The following BAK1 variants were observed in gnomAD, a reference collection of about 807,000 sequenced individuals.
BAK1 encodes bcl-2 homologous antagonist/killer.
BAK1 carries 19 observed loss-of-function variants against 24.7 expected under a neutral mutation model. The observed-to-expected ratio is 0.77, with a 90% CI of 0.54 to 1.13. The LOEUF is 1.13. Ranked by LOEUF, BAK1 falls within the 50% of genes most tolerant of loss-of-function variation. BAK1 has a pLI of 0.00. For synonymous variants in BAK1, 86 were observed against 107.3 expected, an observed-to-expected ratio of 0.80 and a Z score of 1.23; for missense variants, 194 against 279.4, an observed-to-expected ratio of 0.69 and a Z score of 2.18.
At position 33,578,650 on chromosome 6, in the gene BAK1, TC is replaced by T. The variant is rs997840551; in HGVS notation, c.-31-1016del. On this transcript the variant is annotated intron_variant, in intron 1 of 5. Coordinates refer to ENST00000374467, the MANE Select transcript of BAK1 (RefSeq NM_001188.4). This position sits in a 1 kb window ranked among gnomAD's most constrained non-coding sequence, Gnocchi z 4.8. ...CTCCCACCACACACCTGGTCTTCTG[TC>T]CCCGGCCCCAATTTTCCTCTTTGCC... Among the ~76,000 whole-genome samples, 52 of 152,210 alleles carry T rather than the reference TC, an allele frequency of 3.4e-4. No homozygotes were observed. Among genetic ancestry groups the T allele is most frequent in the African/African-American group, 1.2e-3 (50 of 41,546 alleles).
chr6:33,575,606 G>T lies in BAK1; in HGVS notation c.207-165C>A. The T allele has an allele frequency of 8.0e-7, 1 of 1,243,344 alleles. No individual in the cohort carries two copies. The highest frequency in any genetic ancestry group is 1.1e-6 in the Non-Finnish European group (1 of 896,272). The allele number at this position is 1,243,344 out of a possible 1,614,324, so 77.0% of individuals were successfully genotyped here. A position where few individuals can be genotyped will look rare whatever the true frequency, so the allele number is the denominator to read the frequency against. On this transcript the variant is annotated intron_variant, in intron 3 of 5. Coordinates refer to ENST00000374467, the MANE Select transcript of BAK1 (RefSeq NM_001188.4). This position sits in a 1 kb window ranked among gnomAD's most constrained non-coding sequence, Gnocchi z 6.3. ...CATGAGTGCTGGGCTCCAGGAGAAG[G>T]GGCAGGCATGGGCTAAAAAGGATAC...
chr6:33,577,307 C>T lies in BAK1; in HGVS notation c.70+228G>A, dbSNP rs928372624. 6.6e-6 allele frequency among the ~76,000 whole-genome samples: 1 copy of T among 152,196 alleles called. No individual in the cohort carries two copies. Among genetic ancestry groups the T allele is most frequent in the Non-Finnish European group, 1.5e-5 (1 of 68,032 alleles). On this transcript the variant is annotated intron_variant, in intron 2 of 5. Transcript: ENST00000374467. The surrounding 1 kb of genome is among the most constrained non-coding windows in gnomAD (Gnocchi z 4.6). The stretch of plus-strand genomic sequence containing the variant: ...GGTGGCACTGTGCCTACCTTACACT[C>T]ACTTCCTGGCCTCTCCCAACCTCCA...
At chr6:33,574,618 A>C in intron 4 of BAK1, 2 of 1,097,482 alleles carry the variant, frequency 1.8e-6, no homozygotes, top group Non-Finnish European at 2.5e-6. Context: ...CTCTAAGTTC[A>C]CGGACTGGAT....
intron 2 of BAK1, among the ~76,000 whole-genome samples, chr6:33,576,975 A>T (rs1762858949): frequency 6.6e-6 from 1 of 152,162 alleles, no homozygotes. Flanking sequence ...ACAAAATCTG[A>T]ATTTGTAGCT....
Position 33,574,043 on chromosome 6 carries a change from C to A in BAK1, c.522G>T (p.Arg174Ser). ...GTCCTTGGATACTCACCCAGCCACC[C>A]CTCTGTGCAATCCACCGGGCAATGC... ...HHCIARWIAQ[R>S]GGWVAALNLG... The change falls in exon 5 of 6, where the codon AGG (arginine) becomes AGT (serine). Residue 174 changes from arginine (R) to serine (S), a missense_variant. By Grantham distance (110) the Arg-to-Ser change is moderately radical. Coordinates refer to ENST00000374467, the MANE Select transcript of BAK1 (RefSeq NM_001188.4). 6.2e-7 allele frequency: 1 copy of A among 1,614,092 alleles called. No individual in the cohort carries two copies.
Position 33,574,658 on chromosome 6 carries a change from C to G in BAK1, c.351-444G>C. 6.0e-6 allele frequency: 4 copies of G among 669,394 alleles called. No individual in the cohort carries two copies. The South Asian group carries it at 6.2e-5, about 10-fold the overall frequency. 41.5% of individuals were successfully genotyped at this position (669,394 alleles called of 1,614,324 possible). A position where few individuals can be genotyped will look rare whatever the true frequency, so the allele number is the denominator to read the frequency against. On this transcript the variant is annotated intron_variant, in intron 4 of 5. Transcript: ENST00000374467. ...CAGCTCTGAGCACTAATTCTAAAAT[C>G]TATCACTTACTCCTACCTTCACCTC...
rs767196220 is a variant in BAK1, at chr6:33,574,191, C to A, written c.374G>T (p.Trp125Leu). The change falls in exon 5 of 6, where the codon TGG becomes TTG. Residue 125 changes from tryptophan to leucine, a missense_variant. Coordinates refer to ENST00000374467, the MANE Select transcript of BAK1 (RefSeq NM_001188.4). ...ATSLFESGIN[W>L]GRVVALLGFG... ...GCCCAGAAGAGCCACCACACGGCCC[C>A]AATTGATGCCACTCTCAAACAGGCT... The A allele has an allele frequency of 1.2e-6, 2 of 1,613,824 alleles. No homozygotes were observed. Among genetic ancestry groups the A allele is most frequent in the Admixed American group, 3.3e-5 (2 of 59,998 alleles).
In BAK1 at chr6:33,573,164, A is replaced by T. The variant is rs1762789676; in HGVS notation, c.*639T>A. On this transcript the variant is annotated 3_prime_UTR_variant, in exon 6 of 6. Coordinates refer to ENST00000374467, the MANE Select transcript of BAK1 (RefSeq NM_001188.4). ...ACCCCACCCCACACCCCAAGCCCAG[A>T]ATCCCTGAGAGTCCAACTGCAAAGG... is the stretch of plus-strand genomic sequence containing the variant. 1 of 152,936 alleles carries T rather than the reference A, an allele frequency of 6.5e-6. No homozygotes were observed. Among genetic ancestry groups the T allele is most frequent in the African/African-American group, 2.4e-5 (1 of 41,382 alleles). 9.5% of individuals were successfully genotyped at this position (152,936 alleles called of 1,614,324 possible).
chr6:33,576,254 C>G (rs931995965), intron 2 of BAK1, among the ~76,000 whole-genome samples: 3 of 149,692 alleles, frequency 2.0e-5, no homozygotes, highest in African/African-American at 7.4e-5. Context: ...TTACTTGACC[C>G]CGGGAGGCGG....
intron 4 of BAK1, among the ~76,000 whole-genome samples, chr6:33,574,721 C>G (rs1033066146): frequency 1.3e-5 from 2 of 152,200 alleles, no homozygotes; most frequent in Non-Finnish European, 2.9e-5. Flanking sequence ...TTCCCTAACT[C>G]TGGTGGTAGC....
chr6:33,577,057 C>T lies in BAK1; in HGVS notation c.70+478G>A, dbSNP rs1356959154. On this transcript the variant is annotated intron_variant, in intron 2 of 5. Transcript: ENST00000374467. This position sits in a 1 kb window ranked among gnomAD's most constrained non-coding sequence, Gnocchi z 4.6. ...TGATTCCCAAGTCCAGGGAACAGCC[C>T]GCCGTGAGGTGTGAGCTGGGGCTTC... Among the ~76,000 whole-genome samples, 4 of 152,098 alleles carry T rather than the reference C, an allele frequency of 2.6e-5. No individual in the cohort carries two copies. Among genetic ancestry groups the T allele is most frequent in the South Asian group, 2.1e-4 (1 of 4,828 alleles).
intron 5 of BAK1, 51 bp downstream of exon 5, chr6:33,573,981 GGA>G: frequency 6.2e-7 from 1 of 1,612,938 alleles, no homozygotes. Context: ...GTGGGGCCTG[GGA>G]GAGGGGCAGC....
Position 33,573,764 on chromosome 6 carries a change from AGGGGTCTGAACCGG to A in BAK1, c.*25_*38del, listed in dbSNP as rs1206414817. ...GCAAAGACTTCGCTTAAGTCCAGGC[AGGGGTCTGAACCGG>A]GACCCCAAAGGGCACCCTTGGGAGT... On this transcript the variant is annotated 3_prime_UTR_variant, in exon 6 of 6. Coordinates refer to ENST00000374467, the MANE Select transcript of BAK1 (RefSeq NM_001188.4). 6.5e-7 allele frequency: 1 copy of A among 1,545,626 alleles called. No individual in the cohort carries two copies. Among genetic ancestry groups the A allele is most frequent in the South Asian group, 1.1e-5 (1 of 89,428 alleles).
chr6:33,577,303 C>T lies in BAK1; in HGVS notation c.70+232G>A, dbSNP rs1288152887. 6.6e-6 allele frequency among the ~76,000 whole-genome samples: 1 copy of T among 152,200 alleles called. No individual in the cohort carries two copies. The highest frequency in any genetic ancestry group is 1.5e-5 in the Non-Finnish European group (1 of 68,034). ...CCCCGGTGGCACTGTGCCTACCTTACACTCACTTCCTGGCCTCTCCCAACC... is the reference window on the plus strand; with the variant it reads ...CCCCGGTGGCACTGTGCCTACCTTATACTCACTTCCTGGCCTCTCCCAACC... On this transcript the variant is annotated intron_variant, in intron 2 of 5. Coordinates refer to ENST00000374467, the MANE Select transcript of BAK1 (RefSeq NM_001188.4). This position sits in a 1 kb window ranked among gnomAD's most constrained non-coding sequence, Gnocchi z 4.6.
chr6:33,576,848 A>G (rs551893677), intron 2 of BAK1, among the ~76,000 whole-genome samples: 74 of 152,284 alleles, frequency 4.9e-4, no homozygotes, highest in South Asian at 1.5e-3. Flanking sequence ...TAACGTGTGC[A>G]AGGTCATACA....
rs755786933 is a variant in BAK1 at position 33,575,793 on chromosome 6, C to T, written c.206G>A (p.Ser69Asn). 8.7e-6 allele frequency: 14 copies of T among 1,612,582 alleles called. No individual in the cohort carries two copies. Among genetic ancestry groups the T allele is most frequent in the Non-Finnish European group, 1.1e-5 (13 of 1,179,884 alleles). ...EMVTLPLQPS[S>N]TMGQVGRQLA... Reference sequence around the variant, plus strand: ...TGTGGGCCCAGCGGTTGTAGCTCACCTGCTAGGTTGCAGAGGTAAGGTGAC... The same window carrying T: ...TGTGGGCCCAGCGGTTGTAGCTCACTTGCTAGGTTGCAGAGGTAAGGTGAC... The change falls in exon 3 of 6, where the codon AGC becomes AAC. Residue 69 changes from serine (S) to asparagine (N), a missense_variant and splice_region_variant. By Grantham distance (46) the Ser-to-Asn change is conservative. Coordinates refer to ENST00000374467, the MANE Select transcript of BAK1 (RefSeq NM_001188.4). This position sits in a 1 kb window ranked among gnomAD's most constrained non-coding sequence, Gnocchi z 6.3.
intron 4 of BAK1, chr6:33,574,645 C>T: frequency 1.2e-6 from 1 of 841,890 alleles, no homozygotes; most frequent in Non-Finnish European, 1.7e-6. Context: ...GCTCTGAGCA[C>T]TAATTCTAAA....
At position 33,577,417 on chromosome 6, in the gene BAK1, T is replaced by G. The variant is rs1582067735; in HGVS notation, c.70+118A>C. On this transcript the variant is annotated intron_variant, in intron 2 of 5. Coordinates refer to ENST00000374467, the MANE Select transcript of BAK1 (RefSeq NM_001188.4). The surrounding 1 kb of genome is among the most constrained non-coding windows in gnomAD (Gnocchi z 4.6). ...CTCTGAGCCCGTGGGTGGGGAAGAG[T>G]ATTCCCCACCCACAGTGGGTGAACC... is the stretch of plus-strand genomic sequence containing the variant. The G allele has an allele frequency of 1.0e-6, 1 of 991,204 alleles. No homozygotes were observed. The highest frequency in any genetic ancestry group is 1.9e-5 in the South Asian group (1 of 51,404). 61.4% of individuals were successfully genotyped at this position (991,204 alleles called of 1,614,324 possible). A position where few individuals can be genotyped will look rare whatever the true frequency, so the allele number is the denominator to read the frequency against.
intron 2 of BAK1, among the ~76,000 whole-genome samples, chr6:33,576,427 G>A (rs1762846622): frequency 6.6e-6 from 1 of 151,594 alleles, no homozygotes; most frequent in Non-Finnish European, 1.5e-5. Context: ...TCAGGAGATT[G>A]AGACCATCCT....
Sources: allele counts gnomAD v4.1 joint callset (sites outside exome capture counted in the v4.1 genomes callset), GRCh38; gene constraint gnomAD v4.1.1; non-coding constraint Gnocchi (gnomAD v3.1); transcripts MANE v1.5; gene names NCBI Gene and HGNC (gene_info 2026-07-23, HGNC 2026-07-21).